ZNF276: variants seen among roughly 807,000 people sequenced by gnomAD.
ZNF276 encodes the protein zinc finger protein 276, also known as centromere protein Z.
Under a neutral mutation model 63.9 loss-of-function variants are expected in ZNF276, and 59 were observed. The ratio of observed to expected loss-of-function variants is 0.92; its 90% CI spans 0.75 to 1.15. The LOEUF is 1.15. Ranked by LOEUF, ZNF276 falls within the 50% of genes most tolerant of loss-of-function variation. The probability of loss-of-function intolerance (pLI) is 0.00; values close to 1 mark genes in which losing one functional copy is unlikely to be tolerated. For missense variants in ZNF276, 1,084 were observed against 843.8 expected (o/e 1.28, Z -3.53); for synonymous variants, 496 against 348.4 (o/e 1.42, Z -4.72).
chr16:89,727,384 C>G (rs2061500393), intron 5 of ZNF276, 27 bp downstream of exon 5: 2 of 1,605,700 alleles, frequency 1.2e-6, no homozygotes, highest in Non-Finnish European at 1.7e-6. Context: ...TTTAAACAGC[C>G]TAAAATTTCT....
chr16:89,730,161 C>G (rs4785708), intron 6 of ZNF276, among the ~76,000 whole-genome samples: 3 of 151,922 alleles, frequency 2.0e-5, no homozygotes, highest in Non-Finnish European at 4.4e-5. Flanking sequence ...GGAGGAGGCC[C>G]GGAGAGAGAT....
intron 6 of ZNF276, among the ~76,000 whole-genome samples, chr16:89,731,187 G>GA (rs1202853434): frequency 2.6e-5 from 4 of 152,232 alleles, no homozygotes; most frequent in Non-Finnish European, 4.4e-5. Context: ...GCTAGGTCAT[G>GA]AAAACCAGTT....
chr16:89,729,396 C>A, intron 6 of ZNF276, 78 bp downstream of exon 6: 1 of 1,273,250 alleles, frequency 7.9e-7, no homozygotes, highest in Non-Finnish European at 1.1e-6. Flanking sequence ...GGGCCTCTCC[C>A]CGGTGCCCAC....
chr16:89,723,071 C>G, intron 2 of ZNF276, 66 bp from the exon 3 acceptor site: 1 of 1,611,986 alleles, frequency 6.2e-7, no homozygotes, highest in Non-Finnish European at 8.5e-7. Flanking sequence ...CGAGAGGGTC[C>G]CGTACGACGA....
In ZNF276 at chr16:89,740,297, G is replaced by A. The variant is rs1390069023; in HGVS notation, c.*2051G>A. The A allele has an allele frequency of 1.7e-6, 1 of 603,652 alleles. No homozygotes were observed. The highest frequency in any genetic ancestry group is 1.9e-5 in the African/African-American group (1 of 54,028). The allele number at this position is 603,652 out of a possible 1,614,324, so 37.4% of individuals were successfully genotyped here. A position where few individuals can be genotyped will look rare whatever the true frequency, so the allele number is the denominator to read the frequency against. ...TCAGGTAGGAGGCCAGGGACTTCGAGCACCCACACCAAGGCTGCTGCACCA... is the reference window on the plus strand; with the variant it reads ...TCAGGTAGGAGGCCAGGGACTTCGAACACCCACACCAAGGCTGCTGCACCA... On this transcript the variant is annotated 3_prime_UTR_variant, in exon 11 of 11. Coordinates refer to ENST00000443381, the MANE Select transcript of ZNF276 (RefSeq NM_001113525.2).
chr16:89,728,202 C>CTT (rs71389418), intron 5 of ZNF276, among the ~76,000 whole-genome samples: 5,800 of 124,708 alleles, frequency 0.047, 170 homozygotes, highest in Non-Finnish European at 0.073. Flanking sequence ...GGCCACAAAT[C>CTT]TTTTTTTTTT....
Position 89,739,186 on chromosome 16 carries a change from C to A in ZNF276, c.*940C>A, listed in dbSNP as rs1302438780. 1 of 1,614,178 alleles carries A rather than the reference C, an allele frequency of 6.2e-7. No individual in the cohort carries two copies. The highest frequency in any genetic ancestry group is 8.5e-7 in the Non-Finnish European group (1 of 1,180,052). On this transcript the variant is annotated 3_prime_UTR_variant, in exon 11 of 11. Coordinates refer to ENST00000443381, the MANE Select transcript of ZNF276 (RefSeq NM_001113525.2). ...GCTGGAGGTGAAACTGTGCTTGTAT[C>A]CCCAGCCACGAAGAGCTGGACCAGC...
chr16:89,731,897 T>C (rs1483236992), intron 6 of ZNF276: 1 of 152,246 alleles, frequency 6.6e-6, no homozygotes, highest in Non-Finnish European at 1.5e-5. Context: ...GTGTCATTTG[T>C]GAATAGGGAG....
At chr16:89,737,718 C>T in intron 9 of ZNF276, 88 bp from the exon 10 acceptor site, 4 of 1,597,198 alleles carry the variant, frequency 2.5e-6, no homozygotes, top group Non-Finnish European at 3.4e-6. Flanking sequence ...AATGTCTTCC[C>T]AGCTGTGATG....
chr16:89,733,056 C>T (rs993913772), intron 6 of ZNF276: 1 of 522,790 alleles, frequency 1.9e-6, no homozygotes, highest in Admixed American at 3.1e-5. Flanking sequence ...TGCGCCCTCG[C>T]CCTCTGCTGT....
chr16:89,721,607 C>T lies in ZNF276; in HGVS notation c.-34C>T. 4 of 1,471,760 alleles carry T rather than the reference C, an allele frequency of 2.7e-6. No homozygotes were observed. The highest frequency in any genetic ancestry group is 1.3e-5 in the South Asian group (1 of 78,520). 91.2% of individuals were successfully genotyped at this position (1,471,760 alleles called of 1,614,324 possible). A position where few individuals can be genotyped will look rare whatever the true frequency, so the allele number is the denominator to read the frequency against. ...CCTCTAGGAACCTCGGGCCGGGCAGCACCCGCGGGATTCTGCTGGCGTCCT... is the reference window on the plus strand; with the variant it reads ...CCTCTAGGAACCTCGGGCCGGGCAGTACCCGCGGGATTCTGCTGGCGTCCT... On this transcript the variant is annotated 5_prime_UTR_variant, in exon 1 of 11. Transcript: ENST00000443381.
intron 9 of ZNF276, among the ~76,000 whole-genome samples, chr16:89,734,626 T>C (rs1053761289): frequency 2.0e-5 from 3 of 150,802 alleles, no homozygotes; most frequent in African/African-American, 7.4e-5. Context: ...CCCAAACAAG[T>C]GTATCTTAAA....
At chr16:89,737,616 G>A (rs1436034157) in intron 9 of ZNF276, 190 bp from the exon 10 acceptor site, 9 of 1,108,502 alleles carry the variant, frequency 8.1e-6, no homozygotes, top group South Asian at 1.7e-5. Context: ...ATGAAGCCAC[G>A]TGACAGTGTA....
intron 5 of ZNF276, among the ~76,000 whole-genome samples, chr16:89,728,682 GTT>G (rs2061549680): frequency 1.3e-5 from 2 of 152,126 alleles, no homozygotes; most frequent in Non-Finnish European, 2.9e-5. Context: ...GATTACAGGT[GTT>G]AGCCACCGCA....
upstream of ZNF276, chr16:89,721,470 G>A (rs1167373738): frequency 5.3e-6 from 3 of 567,900 alleles, no homozygotes; most frequent in African/African-American, 4.0e-5. Context: ...TCGGCCGGCG[G>A]GGTCCCGCCC....
rs968652405 is a variant in ZNF276, at chr16:89,738,483, C to T, written c.*237C>T. 12 of 1,501,270 alleles carry T rather than the reference C, an allele frequency of 8.0e-6. No individual in the cohort carries two copies. The African/African-American group carries it at 1.1e-4, about 14-fold the overall frequency. 93.0% of individuals were successfully genotyped at this position (1,501,270 alleles called of 1,614,324 possible). On this transcript the variant is annotated 3_prime_UTR_variant, in exon 11 of 11. Transcript: ENST00000443381. ...AGTTCATAAATAATTGATTCCTTTC[C>T]CCACTAAAGCAGTCGAGGAGATTTG...
chr16:89,733,708 A>G (rs1442439082), intron 8 of ZNF276, 151 bp downstream of exon 8: 3 of 979,314 alleles, frequency 3.1e-6, no homozygotes, highest in Non-Finnish European at 1.5e-6. Flanking sequence ...AGCCAGTGCC[A>G]TCCTTGGGGG....
chr16:89,733,816 G>C (rs1567581162), intron 8 of ZNF276, 105 bp from the exon 9 acceptor site: 2 of 1,058,340 alleles, frequency 1.9e-6, no homozygotes, highest in Non-Finnish European at 2.9e-6. Flanking sequence ...CGCTGGAGGA[G>C]GAGTTGGATC....
Position 89,733,429 on chromosome 16 carries a change from G to A in ZNF276, c.1280+17G>A, listed in dbSNP as rs368840430. On this transcript the variant is annotated intron_variant, in intron 7 of 10. Transcript: ENST00000443381. ...TTGTGAGAGGTGATGCCTGCAACGC[G>A]AGGCTCGCCCTGCCTGTCGGGGCCG... 1.6e-4 allele frequency: 261 copies of A among 1,614,030 alleles called. 2 individuals are homozygous for A. In the South Asian group the frequency reaches 2.7e-3, roughly 17 times the overall value.
Sources: allele counts gnomAD v4.1 joint callset (sites outside exome capture counted in the v4.1 genomes callset), GRCh38; gene constraint gnomAD v4.1.1; transcripts MANE v1.5; gene names NCBI Gene and HGNC (gene_info 2026-07-23, HGNC 2026-07-21).